Variants in SIPA1L1 observed in about 807,000 individuals in gnomAD.
SIPA1L1 encodes the protein signal induced proliferation associated 1 like 1, also known as signal-induced proliferation-associated 1-like protein 1.
SIPA1L1 carries 26 observed loss-of-function variants against 162.7 expected under a neutral mutation model. The ratio of observed to expected loss-of-function variants is 0.16; its 90% CI spans 0.12 to 0.22. The LOEUF (loss-of-function observed/expected upper bound fraction) is 0.22, where lower values mean the gene tolerates loss of function less well. Ranked by LOEUF, SIPA1L1 falls within the 10% of genes least tolerant of loss-of-function variation. The pLI, the probability that SIPA1L1 is intolerant of heterozygous loss-of-function variation, is 1.00. For synonymous variants in SIPA1L1, 829 were observed against 837.4 expected, an observed-to-expected ratio of 0.99 and a Z score of 0.17; for missense variants, 1,874 against 2,241.0, an observed-to-expected ratio of 0.84 and a Z score of 3.31.
intron 2 of SIPA1L1, among the ~76,000 whole-genome samples, chr14:71,351,670 C>G (rs1042347254): frequency 1.3e-5 from 2 of 152,128 alleles, no homozygotes; most frequent in African/African-American, 4.8e-5. Flanking sequence ...TGAGAAGTCT[C>G]AAAACCATGT....
At chr14:71,487,665 G>A (rs1046804542) in intron 2 of SIPA1L1, among the ~76,000 whole-genome samples, 1 of 152,184 alleles carries the variant, frequency 6.6e-6, no homozygotes, top group African/African-American at 2.4e-5. Context: ...AGCTCTTGGG[G>A]ACATGAGGAA....
chr14:71,626,448 C>T (rs538421273), intron 7 of SIPA1L1, among the ~76,000 whole-genome samples: 7 of 152,076 alleles, frequency 4.6e-5, no homozygotes, highest in East Asian at 1.9e-4. Context: ...ATAAAGCAGA[C>T]GACATGCATA....
intron 22 of SIPA1L1, among the ~76,000 whole-genome samples, chr14:71,736,383 C>T (rs1297960586): frequency 6.6e-6 from 1 of 152,066 alleles, no homozygotes; most frequent in Non-Finnish European, 1.5e-5. Context: ...GGTGACACAG[C>T]GAAACTCTGT....
intron 2 of SIPA1L1, among the ~76,000 whole-genome samples, chr14:71,323,419 A>G (rs951483732): frequency 1.3e-5 from 2 of 152,338 alleles, no homozygotes; most frequent in African/African-American, 4.8e-5. Context: ...CATGATTAAT[A>G]ATGTGACTAT....
At chr14:71,354,560 A>T (rs115262562) in intron 2 of SIPA1L1, among the ~76,000 whole-genome samples, 3,215 of 151,406 alleles carry the variant, frequency 0.021, 114 homozygotes, top group African/African-American at 0.074. Flanking sequence ...TATGGGCGTG[A>T]GCCACCGCGC....
chr14:71,669,577 C>G (rs2044325926), intron 10 of SIPA1L1, among the ~76,000 whole-genome samples: 1 of 152,132 alleles, frequency 6.6e-6, no homozygotes. Flanking sequence ...AGAAAAATAA[C>G]ACGATCAAAT....
chr14:71,477,254 C>T (rs561109894), intron 2 of SIPA1L1, among the ~76,000 whole-genome samples: 122 of 152,216 alleles, frequency 8.0e-4, no homozygotes, highest in Non-Finnish European at 1.4e-3. Flanking sequence ...GAGCAAGACT[C>T]TTTAAAACAA....
At chr14:71,444,667 C>G (rs1326784290) in intron 2 of SIPA1L1, among the ~76,000 whole-genome samples, 1 of 152,040 alleles carries the variant, frequency 6.6e-6, no homozygotes, top group Non-Finnish European at 1.5e-5. Flanking sequence ...CCCTTTGGTC[C>G]CTGGAGAATG....
At chr14:71,539,403 G>T (rs556531395) in intron 4 of SIPA1L1, among the ~76,000 whole-genome samples, 2 of 152,248 alleles carry the variant, frequency 1.3e-5, no homozygotes, top group East Asian at 3.9e-4. Context: ...TTCTCGATTA[G>T]GCCAGCTTGG....
Position 71,730,354 on chromosome 14 carries a change from T to A in SIPA1L1, c.4861+53T>A, listed in dbSNP as rs553521129. On this transcript the variant is annotated intron_variant, in intron 20 of 23. Coordinates refer to ENST00000381232, the MANE Select transcript of SIPA1L1 (RefSeq NM_001386936.1). ...ATGGCCCTGTTGATGATGGTCAGTG[T>A]CCCCAGACGTGGCTGCCACTCATGT... is the stretch of plus-strand genomic sequence containing the variant. 1.0e-5 allele frequency: 16 copies of A among 1,594,710 alleles called. No homozygotes were observed. The South Asian group carries it at 1.7e-4, about 17-fold the overall frequency.
intron 17 of SIPA1L1, among the ~76,000 whole-genome samples, chr14:71,722,641 T>G (rs2083851298): frequency 6.6e-6 from 1 of 152,218 alleles, no homozygotes; most frequent in Non-Finnish European, 1.5e-5. Context: ...CAACTAAAAC[T>G]CTCATCCCTT....
At chr14:71,524,201 A>G (rs1009245957) in intron 3 of SIPA1L1, among the ~76,000 whole-genome samples, 1 of 152,194 alleles carries the variant, frequency 6.6e-6, no homozygotes, top group Admixed American at 6.5e-5. Context: ...TAACACCATG[A>G]AATTCATTCT....
chr14:71,640,486 C>A (rs993754481), intron 7 of SIPA1L1, among the ~76,000 whole-genome samples: 3 of 152,042 alleles, frequency 2.0e-5, no homozygotes, highest in Non-Finnish European at 4.4e-5. Flanking sequence ...CATAAAGCAG[C>A]AGATAAAAAG....
At chr14:71,366,285 C>T (rs2038286792) in intron 2 of SIPA1L1, among the ~76,000 whole-genome samples, 1 of 152,086 alleles carries the variant, frequency 6.6e-6, no homozygotes, top group Non-Finnish European at 1.5e-5. Context: ...ACTGCCTTTT[C>T]CTCTGCACTT....
rs143964904 is a variant in SIPA1L1 at position 71,570,715 on chromosome 14, G to A, written c.-302-16856G>A. Among the ~76,000 whole-genome samples the A allele has an allele frequency of 1.8e-4, 28 of 152,158 alleles. 1 individual carries two copies. In the East Asian group the frequency reaches 4.2e-3, roughly 23 times the overall value. Reference sequence around the variant, plus strand: ...GAATATAAGATACTGAAGATGAAATGGAAACATAAAAAATTAGTTTATTAG... The same window carrying A: ...GAATATAAGATACTGAAGATGAAATAGAAACATAAAAAATTAGTTTATTAG... On this transcript the variant is annotated intron_variant, in intron 4 of 23. Coordinates refer to ENST00000381232, the MANE Select transcript of SIPA1L1 (RefSeq NM_001386936.1).
At position 71,628,868 on chromosome 14, in the gene SIPA1L1, A is replaced by G. The variant is rs1336182837; in HGVS notation, c.1818+4632A>G. 1.8e-4 allele frequency among the ~76,000 whole-genome samples: 27 copies of G among 152,210 alleles called. 1 individual carries two copies. The highest frequency in any genetic ancestry group is 1.5e-5 in the Non-Finnish European group (1 of 68,036). On this transcript the variant is annotated intron_variant, in intron 7 of 23. Coordinates refer to ENST00000381232, the MANE Select transcript of SIPA1L1 (RefSeq NM_001386936.1). ...GAGACTCGGAAGGACAGAAGCACACAGTGCGTTCATGAGGCAGCAAGGAAT... is the reference window on the plus strand; with the variant it reads ...GAGACTCGGAAGGACAGAAGCACACGGTGCGTTCATGAGGCAGCAAGGAAT...
chr14:71,642,152 A>G (rs184070187), intron 7 of SIPA1L1, among the ~76,000 whole-genome samples: 1 of 152,332 alleles, frequency 6.6e-6, no homozygotes, highest in Admixed American at 6.5e-5. Context: ...GGTTTTTATA[A>G]TGTTGGACAT....
chr14:71,322,599 C>T (rs1440546952), intron 2 of SIPA1L1, among the ~76,000 whole-genome samples: 2 of 152,126 alleles, frequency 1.3e-5, no homozygotes, highest in Non-Finnish European at 2.9e-5. Context: ...AACATTTTTC[C>T]CATGGAATCA....
At chr14:71,415,581 C>T (rs1327397654) in intron 2 of SIPA1L1, among the ~76,000 whole-genome samples, 2 of 152,162 alleles carry the variant, frequency 1.3e-5, no homozygotes, top group African/African-American at 4.8e-5. Flanking sequence ...TTATTGAGTG[C>T]CCTGTGATTT....
Sources: allele counts gnomAD v4.1 joint callset (sites outside exome capture counted in the v4.1 genomes callset), GRCh38; gene constraint gnomAD v4.1.1; transcripts MANE v1.5; gene names NCBI Gene and HGNC (gene_info 2026-07-23, HGNC 2026-07-21).